The following NPSR1 variants were observed in gnomAD, a reference collection of about 807,000 sequenced individuals.
NPSR1 encodes the protein neuropeptide S receptor.
NPSR1 carries 48 observed loss-of-function variants against 46.9 expected under a neutral mutation model. The ratio of observed to expected loss-of-function variants is 1.02; its 90% CI spans 0.81 to 1.30. NPSR1 has a LOEUF of 1.30. Among genes scored for constraint, NPSR1 ranks in the 50% most tolerant of loss-of-function variants. The probability of loss-of-function intolerance (pLI) is 0.00; values close to 1 mark genes in which losing one functional copy is unlikely to be tolerated. For missense variants in NPSR1, 450 were observed against 449.5 expected (o/e 1.00, Z -0.01); for synonymous variants, 176 against 168.1 (o/e 1.05, Z -0.36).
rs1301844202 is a variant in NPSR1 at position 34,810,087 on chromosome 7, A to G, written c.385-1683A>G. The stretch of plus-strand genomic sequence containing the variant: ...AAATAACAAATCATAAAGAACCACA[A>G]TGTGCTTGATTGTTATTTGTCTGAG... On this transcript the variant is annotated intron_variant, in intron 3 of 8. Coordinates refer to ENST00000360581, the MANE Select transcript of NPSR1 (RefSeq NM_207172.2). 2.0e-5 allele frequency among the ~76,000 whole-genome samples: 3 copies of G among 152,324 alleles called. No homozygotes were observed. The East Asian group carries it at 5.8e-4, about 29-fold the overall frequency.
chr7:34,673,929 G>A (rs1792184609), intron 1 of NPSR1, among the ~76,000 whole-genome samples: 1 of 152,188 alleles, frequency 6.6e-6, no homozygotes, highest in Non-Finnish European at 1.5e-5. Context: ...AAACGTAAAT[G>A]CCAACAGGAG....
chr7:34,808,300 A>C (rs568491445), intron 3 of NPSR1, among the ~76,000 whole-genome samples: 17 of 152,294 alleles, frequency 1.1e-4, no homozygotes, highest in African/African-American at 3.6e-4. Flanking sequence ...TTAAGCCATA[A>C]AGTTTGTAGT....
intron 2 of NPSR1, chr7:34,710,793 G>A (rs1783242650): frequency 4.0e-6 from 2 of 503,742 alleles, no homozygotes; most frequent in Admixed American, 2.4e-5. Flanking sequence ...GTTTCCTGCT[G>A]TGCCAGAAAC....
At chr7:34,741,743 C>G (rs923392661) in intron 2 of NPSR1, among the ~76,000 whole-genome samples, 1 of 152,234 alleles carries the variant, frequency 6.6e-6, no homozygotes, top group Non-Finnish European at 1.5e-5. Flanking sequence ...TCTATACTGT[C>G]CCCTGTGACA....
intron 2 of NPSR1, among the ~76,000 whole-genome samples, chr7:34,765,616 T>C (rs1786390875): frequency 6.6e-6 from 1 of 152,206 alleles, no homozygotes; most frequent in Non-Finnish European, 1.5e-5. Context: ...ACGCATGCAC[T>C]CATATATTCA....
chr7:34,829,187 AAG>A (rs982801172), intron 5 of NPSR1, among the ~76,000 whole-genome samples: 7 of 152,186 alleles, frequency 4.6e-5, no homozygotes, highest in Non-Finnish European at 1.0e-4. Flanking sequence ...TTAAGACTAA[AAG>A]AAGTTAACTG....
chr7:34,674,724 G>A (rs546967555), intron 1 of NPSR1, among the ~76,000 whole-genome samples: 30 of 152,260 alleles, frequency 2.0e-4, no homozygotes, highest in Admixed American at 7.8e-4. Context: ...AAAGCTTTGT[G>A]ACTCCCAGGA....
chr7:34,807,049 G>T (rs1012570426), intron 3 of NPSR1, among the ~76,000 whole-genome samples: 1 of 152,070 alleles, frequency 6.6e-6, no homozygotes, highest in Non-Finnish European at 1.5e-5. Flanking sequence ...CCCATATGTT[G>T]TTGATGTGTA....
intron 4 of NPSR1, among the ~76,000 whole-genome samples, chr7:34,817,645 T>G (rs1441815772): frequency 1.4e-5 from 2 of 146,238 alleles, no homozygotes; most frequent in South Asian, 2.3e-4. Context: ...ATATCCTTGA[T>G]GAACATCGAT....
chr7:34,811,796 C>A lies in NPSR1; in HGVS notation c.411C>A (p.Tyr137Ter), dbSNP rs372990147. 1.2e-6 allele frequency: 2 copies of A among 1,613,142 alleles called. No homozygotes were observed. Among genetic ancestry groups the A allele is most frequent in the Non-Finnish European group, 8.5e-7 (1 of 1,179,584 alleles). Residue 137 changes from tyrosine to a stop codon, truncating the protein, a stop_gained, in exon 4 of 9, where the codon TAC becomes TAA. Coordinates refer to ENST00000360581, the MANE Select transcript of NPSR1 (RefSeq NM_207172.2). LOFTEE classifies it high-confidence loss of function. ...TTGTGCTGCTCTACGCCTCTACCTA[C>A]GTCCTGGTGTCCCTCAGCATAGACA... The part of the protein sequence containing the change: ...LQVVLLYAST[Y>*]VLVSLSIDRY...
intron 2 of NPSR1, among the ~76,000 whole-genome samples, chr7:34,726,505 C>A (rs1371282758): frequency 6.6e-6 from 1 of 152,230 alleles, no homozygotes; most frequent in African/African-American, 2.4e-5. Context: ...AATCACACTT[C>A]TTGGTATTTA....
chr7:34,822,089 C>G (rs1789585002), intron 4 of NPSR1, among the ~76,000 whole-genome samples: 1 of 152,146 alleles, frequency 6.6e-6, no homozygotes, highest in South Asian at 2.1e-4. Flanking sequence ...TATAATTCAG[C>G]CCCCGGGAGA....
At chr7:34,832,390 G>A (rs999088579) in intron 5 of NPSR1, among the ~76,000 whole-genome samples, 8 of 151,986 alleles carry the variant, frequency 5.3e-5, no homozygotes, top group East Asian at 3.9e-4. Flanking sequence ...AAAATTAGCC[G>A]GGCATAGTGG....
chr7:34,811,739 G>C (rs780533230), intron 3 of NPSR1, 31 bp from the exon 4 acceptor site: 1 of 1,510,054 alleles, frequency 6.6e-7, no homozygotes, highest in Non-Finnish European at 9.1e-7. Flanking sequence ...CCTCTCTGAA[G>C]TCATAAGCTT....
At chr7:34,661,268 A>G (rs1439887904) in intron 1 of NPSR1, among the ~76,000 whole-genome samples, 1 of 151,966 alleles carries the variant, frequency 6.6e-6, no homozygotes, top group African/African-American at 2.4e-5. Context: ...GCTTGTCCCT[A>G]TTCCATTTCT....
rs200329164 is a variant in NPSR1, at chr7:34,846,799, A to G, written c.845-1684A>G. Among the ~76,000 whole-genome samples, 4 of 152,340 alleles carry G rather than the reference A, an allele frequency of 2.6e-5. No individual in the cohort carries two copies. The East Asian group carries it at 7.7e-4, about 29-fold the overall frequency. ...GAATTGCATTTCTACAAATTTCAAT[A>G]TTTATTTAAAATACCTGTGTTTATG... On this transcript the variant is annotated intron_variant, in intron 7 of 8. Coordinates refer to ENST00000360581, the MANE Select transcript of NPSR1 (RefSeq NM_207172.2).
intron 2 of NPSR1, among the ~76,000 whole-genome samples, chr7:34,692,020 A>C (rs1000044990): frequency 6.6e-6 from 1 of 152,206 alleles, no homozygotes; most frequent in Admixed American, 6.5e-5. Context: ...AGTCTAAGCA[A>C]CTTGCAAGGC....
At chr7:34,806,329 A>G (rs1788696914) in intron 3 of NPSR1, among the ~76,000 whole-genome samples, 1 of 152,120 alleles carries the variant, frequency 6.6e-6, no homozygotes. Flanking sequence ...GATATTATTC[A>G]ATGATATAAC....
At chr7:34,694,552 T>C (rs1263899823) in intron 2 of NPSR1, among the ~76,000 whole-genome samples, 3 of 152,192 alleles carry the variant, frequency 2.0e-5, no homozygotes, top group Admixed American at 6.5e-5. Flanking sequence ...CCCATGCTCA[T>C]GGATTGGAAA....
Sources: allele counts gnomAD v4.1 joint callset (sites outside exome capture counted in the v4.1 genomes callset), GRCh38; gene constraint gnomAD v4.1.1; transcripts MANE v1.5; gene names NCBI Gene and HGNC (gene_info 2026-07-23, HGNC 2026-07-21).